Variants in ZNF687 observed in about 807,000 individuals in gnomAD.
ZNF687 encodes the protein zinc finger protein 687.
ZNF687 carries 13 observed loss-of-function variants against 71.8 expected under a neutral mutation model. The observed-to-expected ratio is 0.18, with a 90% CI of 0.12 to 0.29. ZNF687 has a LOEUF of 0.29. ZNF687 is among the 10% of genes least tolerant of loss of function. The pLI is 1.00. For synonymous variants in ZNF687, 673 were observed against 641.6 expected, an observed-to-expected ratio of 1.05 and a Z score of -0.74; for missense variants, 1,412 against 1,625.6, an observed-to-expected ratio of 0.87 and a Z score of 2.26.
chr1:151,286,241 C>G (rs1693939863), intron 1 of ZNF687, 34 bp from the exon 2 acceptor site: 1 of 1,492,856 alleles, frequency 6.7e-7, no homozygotes, highest in Non-Finnish European at 9.0e-7. Context: ...TTCTAGACAT[C>G]TCAGTTTCTC....
chr1:151,289,313 G>A (rs1192181110), intron 4 of ZNF687, 42 bp downstream of exon 4: 2 of 1,612,798 alleles, frequency 1.2e-6, no homozygotes, highest in South Asian at 2.2e-5. Flanking sequence ...GGGAGGGCTG[G>A]TGGGGCGCAG....
intron 1 of ZNF687, chr1:151,286,011 C>T (rs1394830676): frequency 1.1e-5 from 3 of 285,594 alleles, no homozygotes; most frequent in Non-Finnish European, 1.9e-5. Flanking sequence ...GCACCTGGCC[C>T]CTTCCCTGTA....
In ZNF687 at chr1:151,288,585, C is replaced by T. The variant is rs756753926; in HGVS notation, c.2173C>T (p.Arg725Cys). The part of the protein sequence containing the change: ...PNRCSFSAHQ[R>C]MHKNRPPHVC... Reference sequence around the variant, plus strand: ...TCGCTGCAGCTTCAGCGCCCACCAGCGCATGCATAAGAATCGACCCCCCCA... The same window carrying T: ...TCGCTGCAGCTTCAGCGCCCACCAGTGCATGCATAAGAATCGACCCCCCCA... The change falls in exon 3 of 9, where the codon CGC (arginine) becomes TGC (cysteine). Residue 725 changes from arginine to cysteine, a missense_variant. By Grantham distance (180) the Arg-to-Cys change is radical (BLOSUM62 -3). Transcript: ENST00000336715. 3 of 1,613,954 alleles carry T rather than the reference C, an allele frequency of 1.9e-6. No individual in the cohort carries two copies. The highest frequency in any genetic ancestry group is 1.3e-5 in the African/African-American group (1 of 74,908).
chr1:151,283,850 TCTC>T (rs1273006087), intron 1 of ZNF687: 1 of 985,264 alleles, frequency 1.0e-6, no homozygotes, highest in Admixed American at 6.1e-5. Flanking sequence ...GCTGGGACTG[TCTC>T]TAGTTACAGT....
chr1:151,288,485 A>G (rs1370576953), intron 2 of ZNF687, 43 bp from the exon 3 acceptor site: 3 of 1,579,158 alleles, frequency 1.9e-6, no homozygotes, highest in Admixed American at 3.5e-5. Flanking sequence ...TAATGGAGAC[A>G]GGACACTCCT....
In ZNF687 at chr1:151,288,099, C is replaced by T; in HGVS notation, c.1808C>T (p.Ala603Val). The T allele has an allele frequency of 6.2e-7, 1 of 1,613,984 alleles. No homozygotes were observed. Among genetic ancestry groups the T allele is most frequent in the Non-Finnish European group, 8.5e-7 (1 of 1,180,034 alleles). Residue 603 changes from alanine (A) to valine (V), a missense_variant, in exon 2 of 9, where the codon GCC (alanine) becomes GTC (valine). This residue lies in a region of ZNF687 where 207 missense variants were observed against 239.2 expected (regional missense o/e 0.87). Coordinates refer to ENST00000336715, the MANE Select transcript of ZNF687 (RefSeq NM_020832.3). ...QCSHLVMRPV[A>V]LDQMVGQPDI... ...TCACATTTGGTCATGAGGCCTGTAGCCCTTGACCAGATGGTGGGGCAGCCG... is the reference window on the plus strand; with the variant it reads ...TCACATTTGGTCATGAGGCCTGTAGTCCTTGACCAGATGGTGGGGCAGCCG...
At position 151,289,792 on chromosome 1, in the gene ZNF687, C is replaced by G; in HGVS notation, c.2749C>G (p.Pro917Ala). The G allele has an allele frequency of 6.4e-7, 1 of 1,563,798 alleles. No homozygotes were observed. The highest frequency in any genetic ancestry group is 8.7e-7 in the Non-Finnish European group (1 of 1,153,566). The change falls in exon 6 of 9, where the codon CCT (proline) becomes GCT (alanine). Residue 917 changes from proline (P) to alanine (A), a missense_variant. This residue lies in a region of ZNF687 where 135 missense variants were observed against 104.1 expected (regional missense o/e 1.30). Coordinates refer to ENST00000336715, the MANE Select transcript of ZNF687 (RefSeq NM_020832.3). ...ELAVSQGGAA[P>A]ATEESSSSSE... Reference sequence around the variant, plus strand: ...GGCTGTTTCTCAGGGAGGGGCAGCCCCTGCTACTGAGGAGTCGTCTTCATC... The same window carrying G: ...GGCTGTTTCTCAGGGAGGGGCAGCCGCTGCTACTGAGGAGTCGTCTTCATC...
Position 151,288,229 on chromosome 1 carries a change from T to C in ZNF687, c.1938T>C (p.Thr646=), listed in dbSNP as rs899582808. ...GEGAITSSAI[T]TVAAEAPVLP... is the part of the protein sequence containing the mutation. ...GGGCCATCACCTCCTCTGCCATTAC[T>C]ACAGTTGCTGCTGAGGCCCCTGTCC... The change falls in exon 2 of 9, where the codon ACT becomes ACC. Residue 646 remains threonine, a synonymous_variant. Transcript: ENST00000336715. 7 of 1,613,600 alleles carry C rather than the reference T, an allele frequency of 4.3e-6. No homozygotes were observed. Among genetic ancestry groups the C allele is most frequent in the East Asian group, 2.2e-5 (1 of 44,888 alleles).
In ZNF687 at chr1:151,287,054, C is replaced by CCCCCAGTTGCTGGGGTG; in HGVS notation, c.767_783dup (p.Phe262GlnfsTer29). The CCCCCAGTTGCTGGGGTG allele has an allele frequency of 6.2e-7, 1 of 1,610,648 alleles. No individual in the cohort carries two copies. The highest frequency in any genetic ancestry group is 8.5e-7 in the Non-Finnish European group (1 of 1,177,444). On this transcript the variant is annotated frameshift_variant, in exon 2 of 9. Coordinates refer to ENST00000336715, the MANE Select transcript of ZNF687 (RefSeq NM_020832.3). LOFTEE classifies it high-confidence loss of function. This position sits in a 1 kb window ranked among gnomAD's most constrained non-coding sequence, Gnocchi z 5.0. The stretch of plus-strand genomic sequence containing the variant: ...GGACATCCCTGCCAGTGCCTCGCCT[C>CCCCCAGTTGCTGGGGTG]CCCCAGTTGCTGGGGTGCCCTTCTT...
Position 151,287,520 on chromosome 1 carries a change from G to C in ZNF687, c.1229G>C (p.Ser410Thr). Reference protein sequence around the residue: ...VLPVATIQNASTAMLMAASVA... With the variant: ...VLPVATIQNATTAMLMAASVA... ...CCTGTGGCCACCATCCAGAACGCCA[G>C]TACTGCCATGCTGATGGCAGCCAGT... is the stretch of plus-strand genomic sequence containing the variant. Residue 410 changes from serine to threonine, a missense_variant, in exon 2 of 9, where the codon AGT becomes ACT. Physicochemically the swap from Ser to Thr is moderately conservative, Grantham distance 58 (BLOSUM62 1). Coordinates refer to ENST00000336715, the MANE Select transcript of ZNF687 (RefSeq NM_020832.3). This position sits in a 1 kb window ranked among gnomAD's most constrained non-coding sequence, Gnocchi z 5.0. 6.2e-7 allele frequency: 1 copy of C among 1,614,166 alleles called. No individual in the cohort carries two copies. The highest frequency in any genetic ancestry group is 1.1e-5 in the South Asian group (1 of 91,086).
At position 151,291,159 on chromosome 1, in the gene ZNF687, C is replaced by T; in HGVS notation, c.3664C>T (p.His1222Tyr). ...PLNLKTHFRT[H>Y]GMAFIRARQG... is the part of the protein sequence containing the mutation. ...AAACCTCAAGACCCACTTCCGCACG[C>T]ATGGCATGGCGTTCATCAGGGCTCG... Residue 1222 changes from histidine to tyrosine, a missense_variant, in exon 9 of 9, where the codon CAT becomes TAT. By Grantham distance (83) the His-to-Tyr change is moderately conservative. Coordinates refer to ENST00000336715, the MANE Select transcript of ZNF687 (RefSeq NM_020832.3). 1 of 1,613,030 alleles carries T rather than the reference C, an allele frequency of 6.2e-7. No individual in the cohort carries two copies. Among genetic ancestry groups the T allele is most frequent in the Non-Finnish European group, 8.5e-7 (1 of 1,179,968 alleles).
rs1235501292 is a variant in ZNF687 at position 151,289,907 on chromosome 1, G to T, written c.2864G>T (p.Gly955Val). Residue 955 changes from glycine (G) to valine (V), a missense_variant, in exon 6 of 9, where the codon GGT becomes GTT. Physicochemically the swap from Gly to Val is moderately radical, Grantham distance 109 (BLOSUM62 -3). Around this residue, in one of 8 missense-constraint regions of ZNF687, gnomAD observed 135 missense variants for 104.1 expected, o/e 1.30. Transcript: ENST00000336715. Reference sequence around the variant, plus strand: ...GAACTAGGGAGCAAAGGCCTCAAGGGTGGGGGTGGGGGGCCTGGAGGCTGG... The same window carrying T: ...GAACTAGGGAGCAAAGGCCTCAAGGTTGGGGGTGGGGGGCCTGGAGGCTGG... ...RRELGSKGLKGGGGGPGGWTC... is the reference protein window; with the variant it reads ...RRELGSKGLKVGGGGPGGWTC... 6.4e-7 allele frequency: 1 copy of T among 1,557,664 alleles called. No homozygotes were observed. Among genetic ancestry groups the T allele is most frequent in the Admixed American group, 1.9e-5 (1 of 51,698 alleles).
In ZNF687 at chr1:151,289,787, C is replaced by T; in HGVS notation, c.2744C>T (p.Ala915Val). The T allele has an allele frequency of 1.9e-6, 3 of 1,563,168 alleles. No homozygotes were observed. Among genetic ancestry groups the T allele is most frequent in the East Asian group, 2.4e-5 (1 of 41,992 alleles). Reference protein sequence around the residue: ...PEELAVSQGGAAPATEESSSS... With the variant: ...PEELAVSQGGVAPATEESSSS... ...GAGCTGGCTGTTTCTCAGGGAGGGG[C>T]AGCCCCTGCTACTGAGGAGTCGTCT... The change falls in exon 6 of 9, where the codon GCA becomes GTA. Residue 915 changes from alanine to valine, a missense_variant. This residue lies in a region of ZNF687 where 135 missense variants were observed against 104.1 expected (regional missense o/e 1.30). Transcript: ENST00000336715.
At position 151,290,717 on chromosome 1, in the gene ZNF687, G is replaced by C. The variant is rs759863619; in HGVS notation, c.3222G>C (p.Gly1074=). 2 of 1,598,556 alleles carry C rather than the reference G, an allele frequency of 1.3e-6. No homozygotes were observed. Among genetic ancestry groups the C allele is most frequent in the Non-Finnish European group, 8.5e-7 (1 of 1,171,092 alleles). ...CAGTTTCTTCCACTTTTCTTCAGGG[G>C]CCAGGTCGGAAACGCCGCCAGTCTT... is the stretch of plus-strand genomic sequence containing the variant. ...LARGSSARAQ[G]PGRKRRQSSD... is the part of the protein sequence containing the mutation. The change falls in exon 9 of 9, where the codon GGG becomes GGC. Residue 1074 remains glycine (G), a splice_region_variant and synonymous_variant. Coordinates refer to ENST00000336715, the MANE Select transcript of ZNF687 (RefSeq NM_020832.3).
upstream of ZNF687, chr1:151,282,033 GA>G (rs1356735324): frequency 7.9e-7 from 1 of 1,271,830 alleles, no homozygotes; most frequent in Non-Finnish European, 1.0e-6. Context: ...TCGTTTACGA[GA>G]CTCGTAGATG....
At position 151,289,839 on chromosome 1, in the gene ZNF687, C is replaced by T. The variant is rs772290800; in HGVS notation, c.2796C>T (p.Pro932=). The change falls in exon 6 of 9, where the codon CCC becomes CCT. Residue 932 remains proline, a synonymous_variant. Coordinates refer to ENST00000336715, the MANE Select transcript of ZNF687 (RefSeq NM_020832.3). ...SSSSSEEEEV[P]SSPEPPRPAK... ...CATCTTCAGAAGAGGAGGAAGTACCCAGCTCCCCTGAGCCCCCCCGTCCAG... is the reference window on the plus strand; with the variant it reads ...CATCTTCAGAAGAGGAGGAAGTACCTAGCTCCCCTGAGCCCCCCCGTCCAG... 8.3e-6 allele frequency: 13 copies of T among 1,569,310 alleles called. No individual in the cohort carries two copies. In the South Asian group the frequency reaches 1.3e-4, roughly 15 times the overall value.
chr1:151,283,882 TG>T, intron 1 of ZNF687: 1 of 984,482 alleles, frequency 1.0e-6, no homozygotes, highest in Non-Finnish European at 1.2e-6. Flanking sequence ...TGGAGAGAGG[TG>T]GGAGAGCTGG....
chr1:151,281,780 T>G, upstream of ZNF687: 1 of 374,372 alleles, frequency 2.7e-6, no homozygotes, highest in Non-Finnish European at 5.5e-6. Flanking sequence ...TGACACGGGT[T>G]TAGCTTGAAA....
In ZNF687 at chr1:151,289,728, G is replaced by A; in HGVS notation, c.2685G>A (p.Gly895=). 1.3e-6 allele frequency: 2 copies of A among 1,560,154 alleles called. No individual in the cohort carries two copies. The highest frequency in any genetic ancestry group is 1.4e-5 in the African/African-American group (1 of 73,562). ...AGGAGACTGCTGGGAAAGGGGCCGG[G>A]GGTGCCCTGCTGACCCCCAAGACTG... ...RLEETAGKGA[G]GALLTPKTEP... is the part of the protein sequence containing the mutation. The change falls in exon 6 of 9, where the codon GGG becomes GGA. Residue 895 remains glycine, a synonymous_variant. Coordinates refer to ENST00000336715, the MANE Select transcript of ZNF687 (RefSeq NM_020832.3).
Sources: allele counts gnomAD v4.1 joint callset, GRCh38; gene constraint gnomAD v4.1.1; regional missense constraint gnomAD v4.1.1; non-coding constraint Gnocchi (gnomAD v3.1); transcripts MANE v1.5; gene names NCBI Gene and HGNC (gene_info 2026-07-23, HGNC 2026-07-21).